The following KATNAL2 variants were observed in gnomAD, a reference collection of about 807,000 sequenced individuals.
The protein encoded by KATNAL2 is katanin p60 ATPase-containing subunit A-like 2.
KATNAL2 carries 52 observed loss-of-function variants against 76.3 expected under a neutral mutation model. That is an observed-to-expected ratio of 0.68 (90% CI 0.55 to 0.86). KATNAL2 has a LOEUF of 0.86. Ranked by LOEUF, KATNAL2 falls within the 40% of genes least tolerant of loss-of-function variation. The pLI is 0.00. For synonymous variants in KATNAL2, 243 were observed against 244.2 expected, an observed-to-expected ratio of 1.00 and a Z score of 0.05; for missense variants, 660 against 668.9, an observed-to-expected ratio of 0.99 and a Z score of 0.15.
intron 5 of KATNAL2, 98 bp downstream of exon 5, chr18:47,053,144 C>T (rs1403010942): frequency 2.0e-6 from 2 of 1,024,798 alleles, no homozygotes; most frequent in Admixed American, 5.0e-5. Context: ...CCTCACCCTG[C>T]ACCAAAGGAG....
chr18:47,058,588 C>G (rs189013935), intron 7 of KATNAL2, among the ~76,000 whole-genome samples: 1 of 151,782 alleles, frequency 6.6e-6, no homozygotes, highest in Non-Finnish European at 1.5e-5. Context: ...AGTTTTTCCC[C>G]TGGTCTGGGT....
chr18:46,926,880 T>G (rs1331312537), intron 1 of KATNAL2, among the ~76,000 whole-genome samples: 2 of 152,130 alleles, frequency 1.3e-5, no homozygotes, highest in Non-Finnish European at 2.9e-5. Flanking sequence ...GGTTTAAAGT[T>G]TGTTTTATCA....
chr18:46,955,748 T>C (rs1283608534), intron 3 of KATNAL2, among the ~76,000 whole-genome samples: 2 of 152,150 alleles, frequency 1.3e-5, no homozygotes, highest in East Asian at 3.9e-4. Flanking sequence ...GATGGGGGTC[T>C]CCTTATGTTG....
At chr18:46,930,221 C>T (rs917309589) in intron 1 of KATNAL2, among the ~76,000 whole-genome samples, 1 of 152,182 alleles carries the variant, frequency 6.6e-6, no homozygotes, top group Non-Finnish European at 1.5e-5. Context: ...TGAATATCAG[C>T]CCTTCTTTGA....
chr18:46,934,283 A>G (rs1200355027), intron 1 of KATNAL2, among the ~76,000 whole-genome samples: 7 of 152,242 alleles, frequency 4.6e-5, no homozygotes, highest in East Asian at 3.9e-4. Flanking sequence ...AAGTGTTCCT[A>G]TTGCTCCACA....
chr18:47,041,581 AATTT>A (rs1336536300), intron 3 of KATNAL2, among the ~76,000 whole-genome samples: 2 of 152,082 alleles, frequency 1.3e-5, no homozygotes, highest in Non-Finnish European at 1.5e-5. Flanking sequence ...AGTATACCAC[AATTT>A]ATTTATCCAT....
intron 2 of KATNAL2, 55 bp from the exon 3 acceptor site, chr18:46,946,799 G>A: frequency 6.9e-7 from 1 of 1,450,440 alleles, no homozygotes. Flanking sequence ...TAAGCGTCAG[G>A]TTCCTTGGAT....
intron 13 of KATNAL2, among the ~76,000 whole-genome samples, chr18:47,071,172 GTATTTTT>G (rs1296796925): frequency 6.6e-6 from 1 of 152,122 alleles, no homozygotes; most frequent in Admixed American, 6.5e-5. Context: ...GCTAATTTTT[GTATTTTT>G]TGTAGAAACC....
intron 10 of KATNAL2, among the ~76,000 whole-genome samples, 175 bp downstream of exon 10, chr18:47,063,536 T>C (rs908197445): frequency 1.3e-5 from 2 of 152,132 alleles, no homozygotes; most frequent in East Asian, 1.9e-4. Flanking sequence ...AAATAAATTA[T>C]AGAGTCATAA....
At chr18:46,920,578 G>T (rs2058483808) in intron 1 of KATNAL2, among the ~76,000 whole-genome samples, 1 of 152,168 alleles carries the variant, frequency 6.6e-6, no homozygotes, top group Admixed American at 6.5e-5. Context: ...GCAATAGAAA[G>T]AATTCTGAAA....
chr18:47,050,021 C>T (rs974727883), intron 4 of KATNAL2, among the ~76,000 whole-genome samples: 2 of 152,158 alleles, frequency 1.3e-5, no homozygotes, highest in African/African-American at 4.8e-5. Context: ...TGCGTGCCGC[C>T]ATGGCTACTT....
rs763558061 is a variant in KATNAL2, at chr18:47,033,790, A to AG, written c.52-12666dup. ...TTCCTCCCGGAACTTTGGTGAAGAG[A>AG]GTGCTTCTGGCTTTGCCTGGGAGGT... is the stretch of plus-strand genomic sequence containing the variant. On this transcript the variant is annotated intron_variant, in intron 3 of 17. Transcript: ENST00000683218. 1.6e-5 allele frequency: 26 copies of AG among 1,614,062 alleles called. No individual in the cohort carries two copies. The Admixed American group carries it at 2.0e-4, about 12-fold the overall frequency.
intron 15 of KATNAL2, among the ~76,000 whole-genome samples, chr18:47,078,672 G>A (rs2062359001): frequency 6.6e-6 from 1 of 152,134 alleles, no homozygotes; most frequent in African/African-American, 2.4e-5. Context: ...GGGAAGGTCT[G>A]TGCCCTGGGG....
Position 47,056,650 on chromosome 18 carries a change from T to C in KATNAL2, c.333-1585T>C. Among the ~76,000 whole-genome samples, 2 of 152,238 alleles carry C rather than the reference T, an allele frequency of 1.3e-5. 1 individual carries two copies. The highest frequency in any genetic ancestry group is 1.3e-4 in the Admixed American group (2 of 15,284). On this transcript the variant is annotated intron_variant, in intron 6 of 17. Coordinates refer to ENST00000683218, the MANE Select transcript of KATNAL2 (RefSeq NM_001387690.1). ...TACCATCCTCAGAACCAATTTAAAA[T>C]AAATTGCATTGCTTTGTACATTAGT...
chr18:46,959,834 C>T (rs552733692), intron 3 of KATNAL2, among the ~76,000 whole-genome samples: 1 of 152,306 alleles, frequency 6.6e-6, no homozygotes, highest in South Asian at 2.1e-4. Flanking sequence ...CTCGGCCTCC[C>T]AAAATGCTGA....
rs201479930 is a variant in KATNAL2, at chr18:47,057,003, A to AC, written c.333-1228dup. On this transcript the variant is annotated intron_variant, in intron 6 of 17. Coordinates refer to ENST00000683218, the MANE Select transcript of KATNAL2 (RefSeq NM_001387690.1). ...CCTAGTTTAAAGATAGAAAAAAAAA[A>AC]CCCCAAGAACTGTTAGTGTCCACTT... Among the ~76,000 whole-genome samples the AC allele has an allele frequency of 5.3e-5, 8 of 151,908 alleles. No homozygotes were observed. The South Asian group carries it at 1.0e-3, about 20-fold the overall frequency.
intron 15 of KATNAL2, among the ~76,000 whole-genome samples, chr18:47,080,684 T>TG (rs2062465024): frequency 6.6e-6 from 1 of 152,204 alleles, no homozygotes; most frequent in Non-Finnish European, 1.5e-5. Context: ...GGGTTCCGAT[T>TG]TCTCCACAAC....
At chr18:47,083,703 A>G (rs1447860698) in intron 15 of KATNAL2, among the ~76,000 whole-genome samples, 1 of 152,246 alleles carries the variant, frequency 6.6e-6, no homozygotes, top group Non-Finnish European at 1.5e-5. Context: ...CACCTTCAAT[A>G]TTACTGCTTA....
chr18:47,074,053 A>C (rs2062101301), intron 13 of KATNAL2, among the ~76,000 whole-genome samples: 1 of 152,182 alleles, frequency 6.6e-6, no homozygotes, highest in Non-Finnish European at 1.5e-5. Context: ...ATCACCCTTA[A>C]TATCAGGTAT....
Sources: gnomAD v4.1 joint callset for allele counts (sites outside exome capture counted in the v4.1 genomes callset) on GRCh38, gnomAD v4.1.1 for gene constraint, MANE v1.5 for transcripts, NCBI Gene and HGNC (gene_info 2026-07-23, HGNC 2026-07-21) for gene names.